Variants in ASCC3 observed in about 807,000 individuals in gnomAD.
ASCC3 encodes activating signal cointegrator 1 complex subunit 3.
A neutral mutation model predicts 256.3 loss-of-function variants in ASCC3; 158 were observed. The observed-to-expected ratio is 0.62, with a 90% CI of 0.54 to 0.70. ASCC3 has a LOEUF of 0.70. Ranked by LOEUF, ASCC3 falls within the 30% of genes least tolerant of loss-of-function variation. The pLI is 0.00. For synonymous variants in ASCC3, 948 were observed against 883.4 expected (o/e 1.07, Z -1.30); for missense variants, 2,259 against 2,626.0 (o/e 0.86, Z 3.05).
At chr6:100,673,208 C>T (rs970852957) in intron 14 of ASCC3, among the ~76,000 whole-genome samples, 1 of 151,926 alleles carries the variant, frequency 6.6e-6, no homozygotes, top group Non-Finnish European at 1.5e-5. Flanking sequence ...AGATAAATCT[C>T]ATCTAAAATT....
chr6:100,696,785 C>T (rs184014940), intron 13 of ASCC3, among the ~76,000 whole-genome samples: 23 of 151,654 alleles, frequency 1.5e-4, no homozygotes, highest in African/African-American at 5.3e-4. Context: ...TTCATTTTTG[C>T]CAAAATAAAT....
At chr6:100,687,890 CTT>C in intron 13 of ASCC3, among the ~76,000 whole-genome samples, 1 of 151,874 alleles carries the variant, frequency 6.6e-6, no homozygotes, top group Admixed American at 6.6e-5. Flanking sequence ...TCAATACAGA[CTT>C]TTTGTAGAAA....
Position 100,509,003 on chromosome 6 carries a change from A to G in ASCC3, c.*383T>C, listed in dbSNP as rs755412923. 7 of 277,640 alleles carry G rather than the reference A, an allele frequency of 2.5e-5. No homozygotes were observed. Among genetic ancestry groups the G allele is most frequent in the East Asian group, 1.9e-4 (2 of 10,760 alleles). The allele number at this position is 277,640 out of a possible 1,614,324, so 17.2% of individuals were successfully genotyped here. A position where few individuals can be genotyped will look rare whatever the true frequency, so the allele number is the denominator to read the frequency against. ...TTAGAAATCTGTGACAAGTCCTAAC[A>G]CTTGTCACATCTCAATGTGGTTTTC... On this transcript the variant is annotated 3_prime_UTR_variant, in exon 42 of 42. Coordinates refer to ENST00000369162, the MANE Select transcript of ASCC3 (RefSeq NM_006828.4).
chr6:100,855,363 C>T (rs140061876), intron 3 of ASCC3, among the ~76,000 whole-genome samples: 6 of 152,160 alleles, frequency 3.9e-5, no homozygotes, highest in East Asian at 1.9e-4. Context: ...GCAATCCACC[C>T]GCCTTGGCCT....
intron 36 of ASCC3, among the ~76,000 whole-genome samples, chr6:100,558,154 A>T (rs1769718246): frequency 6.6e-6 from 1 of 151,958 alleles, no homozygotes; most frequent in Non-Finnish European, 1.5e-5. Context: ...CATAAGACTA[A>T]TGATACTATA....
chr6:100,863,411 C>T (rs1311382363), intron 3 of ASCC3, among the ~76,000 whole-genome samples: 2 of 152,110 alleles, frequency 1.3e-5, no homozygotes, highest in Admixed American at 6.6e-5. Context: ...CTATAATAAG[C>T]GACTGAGCTA....
intron 36 of ASCC3, among the ~76,000 whole-genome samples, chr6:100,563,369 G>A (rs147094363): frequency 6.2e-4 from 95 of 152,142 alleles, no homozygotes; most frequent in Non-Finnish European, 1.1e-3. Context: ...TTATTTTGGC[G>A]TATACTATAG....
chr6:100,609,269 T>G (rs1283891886), intron 30 of ASCC3, among the ~76,000 whole-genome samples: 1 of 151,522 alleles, frequency 6.6e-6, no homozygotes, highest in Non-Finnish European at 1.5e-5. Context: ...TAATTTATTT[T>G]TGTATAGAAA....
rs781191810 is a variant in ASCC3, at chr6:100,881,325, A to T, written c.-306T>A. 2.6e-5 allele frequency: 4 copies of T among 152,240 alleles called. No homozygotes were observed. The highest frequency in any genetic ancestry group is 4.8e-5 in the African/African-American group (2 of 41,462). The allele number at this position is 152,240 out of a possible 1,614,324, so 9.4% of individuals were successfully genotyped here. A position where few individuals can be genotyped will look rare whatever the true frequency, so the allele number is the denominator to read the frequency against. On this transcript the variant is annotated 5_prime_UTR_variant, in exon 1 of 42. Coordinates refer to ENST00000369162, the MANE Select transcript of ASCC3 (RefSeq NM_006828.4). The stretch of plus-strand genomic sequence containing the variant: ...ACGCACAGACCCGGCGAGGAGGGAC[A>T]GAGTGGAGCTGGCGCCGGCCTACAC...
chr6:100,830,121 G>A (rs759157639), intron 4 of ASCC3, among the ~76,000 whole-genome samples: 1 of 151,896 alleles, frequency 6.6e-6, no homozygotes, highest in Non-Finnish European at 1.5e-5. Context: ...TTCGGAATGT[G>A]GCTGACTGTC....
chr6:100,848,544 A>T lies in ASCC3; in HGVS notation c.405T>A (p.Asn135Lys), dbSNP rs566716854. ...CTTGACTAAAATGAGAAATAATTCG[A>T]TTAGTAGCATTACAAGCTGCAGTGG... The part of the protein sequence containing the change: ...SSATAACNAT[N>K]RIISHFSQDD... The change falls in exon 4 of 42, where the codon AAT (asparagine) becomes AAA (lysine). Residue 135 changes from asparagine to lysine, a missense_variant. By Grantham distance (94) the Asn-to-Lys change is moderately conservative (BLOSUM62 0). Transcript: ENST00000369162. 1.2e-5 allele frequency: 19 copies of T among 1,614,012 alleles called. No homozygotes were observed. The highest frequency in any genetic ancestry group is 1.7e-5 in the Admixed American group (1 of 59,992).
At chr6:100,683,800 T>C (rs1241591448) in intron 13 of ASCC3, among the ~76,000 whole-genome samples, 1 of 118,212 alleles carries the variant, frequency 8.5e-6, no homozygotes, top group Non-Finnish European at 1.8e-5. Flanking sequence ...CATTTAAAAA[T>C]ATTTTATATA....
At chr6:100,629,825 C>G (rs566843604) in intron 26 of ASCC3, among the ~76,000 whole-genome samples, 1 of 151,784 alleles carries the variant, frequency 6.6e-6, no homozygotes, top group Non-Finnish European at 1.5e-5. Flanking sequence ...GAGGAATTAC[C>G]TAAGAATTCC....
At chr6:100,780,529 A>C (rs1227532771) in intron 8 of ASCC3, among the ~76,000 whole-genome samples, 3 of 152,158 alleles carry the variant, frequency 2.0e-5, no homozygotes, top group African/African-American at 7.2e-5. Flanking sequence ...GCTTGAGGCC[A>C]GGAGTTTGAG....
At chr6:100,832,760 T>C (rs905385921) in intron 4 of ASCC3, among the ~76,000 whole-genome samples, 1 of 151,956 alleles carries the variant, frequency 6.6e-6, no homozygotes, top group African/African-American at 2.4e-5. Context: ...AAAAATATTA[T>C]CAATCCCACA....
At chr6:100,599,734 T>C (rs1448149487) in intron 34 of ASCC3, among the ~76,000 whole-genome samples, 4 of 152,028 alleles carry the variant, frequency 2.6e-5, no homozygotes, top group Non-Finnish European at 5.9e-5. Context: ...AGTAAGGAAC[T>C]ACAATTTGCT....
intron 14 of ASCC3, among the ~76,000 whole-genome samples, chr6:100,677,151 A>G (rs906506292): frequency 6.6e-6 from 1 of 152,194 alleles, no homozygotes; most frequent in Non-Finnish European, 1.5e-5. Flanking sequence ...ACTTCAAGAA[A>G]TATGAAGGAA....
At chr6:100,716,053 CT>C (rs1460993845) in intron 12 of ASCC3, among the ~76,000 whole-genome samples, 2 of 151,586 alleles carry the variant, frequency 1.3e-5, no homozygotes, top group African/African-American at 4.8e-5. Context: ...CAGAATGCTT[CT>C]ACAGAAACAT....
In ASCC3 at chr6:100,642,754, T is replaced by C; in HGVS notation, c.3733-5A>G. ...TTGGGCTTCTTTACTAATGACCTAA[T>C]ATGAAATACAGTCAAAAATAAATAT... On this transcript the variant is annotated splice_region_variant and splice_polypyrimidine_tract_variant and intron_variant, in intron 23 of 41. Coordinates refer to ENST00000369162, the MANE Select transcript of ASCC3 (RefSeq NM_006828.4). The C allele has an allele frequency of 6.2e-7, 1 of 1,609,650 alleles. No individual in the cohort carries two copies. Among genetic ancestry groups the C allele is most frequent in the Middle Eastern group, 1.7e-4 (1 of 6,044 alleles).
Sources: allele counts gnomAD v4.1 joint callset (sites outside exome capture counted in the v4.1 genomes callset), GRCh38; gene constraint gnomAD v4.1.1; transcripts MANE v1.5; gene names NCBI Gene and HGNC (gene_info 2026-07-23, HGNC 2026-07-21).